The following FUT8 variants were observed in gnomAD, a reference collection of about 807,000 sequenced individuals.
FUT8 encodes the protein alpha-(1,6)-fucosyltransferase.
A neutral mutation model predicts 71.3 loss-of-function variants in FUT8; 29 were observed. The ratio of observed to expected loss-of-function variants is 0.41; its 90% CI spans 0.30 to 0.55. The LOEUF is 0.55. Ranked by LOEUF, FUT8 falls within the 20% of genes least tolerant of loss-of-function variation. The probability of loss-of-function intolerance (pLI) is 0.34; values close to 1 mark genes in which losing one functional copy is unlikely to be tolerated. For missense variants in FUT8, 544 were observed against 702.1 expected, an observed-to-expected ratio of 0.77 and a Z score of 2.55; for synonymous variants, 254 against 239.3, an observed-to-expected ratio of 1.06 and a Z score of -0.57.
chr14:65,693,904 G>T (rs1259152642), intron 7 of FUT8, among the ~76,000 whole-genome samples: 4 of 152,178 alleles, frequency 2.6e-5, no homozygotes, highest in Admixed American at 2.6e-4. Flanking sequence ...AATTCTCCTT[G>T]TGTGAATTTT....
the FUT8 span, among the ~76,000 whole-genome samples, chr14:65,381,938 C>G: frequency 9.2e-5 from 14 of 152,334 alleles, no homozygotes; most frequent in African/African-American, 3.1e-4. Context: ...AGTCTACACT[C>G]TCTCCCTCCA....
At chr14:65,737,092 G>T (rs1594952160) in intron 10 of FUT8, among the ~76,000 whole-genome samples, 1 of 152,024 alleles carries the variant, frequency 6.6e-6, no homozygotes, top group Non-Finnish European at 1.5e-5. Context: ...CCTTAATCGG[G>T]ATTTCTCATA....
At chr14:65,367,544 G>A in the FUT8 span, among the ~76,000 whole-genome samples, 3 of 152,166 alleles carry the variant, frequency 2.0e-5, no homozygotes, top group African/African-American at 7.2e-5. Context: ...AGTGATTTAA[G>A]GACTATTTAG....
chr14:65,668,122 A>G (rs1364294688), intron 6 of FUT8, among the ~76,000 whole-genome samples: 2 of 152,180 alleles, frequency 1.3e-5, no homozygotes, highest in African/African-American at 2.4e-5. Flanking sequence ...TAAAAACTCT[A>G]GAAGAAAACC....
intron 7 of FUT8, among the ~76,000 whole-genome samples, chr14:65,688,969 C>T (rs1893440198): frequency 6.6e-6 from 1 of 152,096 alleles, no homozygotes; most frequent in South Asian, 2.1e-4. Flanking sequence ...GGAACTCTAC[C>T]TTCATTATCT....
chr14:65,421,625 A>G (rs2065296077), intron 1 of FUT8, among the ~76,000 whole-genome samples: 2 of 151,990 alleles, frequency 1.3e-5, no homozygotes, highest in East Asian at 1.9e-4. Context: ...CATTCCTTCT[A>G]CATTACCTGG....
At chr14:65,579,433 A>C (rs1246237561) in intron 3 of FUT8, among the ~76,000 whole-genome samples, 1 of 152,158 alleles carries the variant, frequency 6.6e-6, no homozygotes, top group South Asian at 2.1e-4. Flanking sequence ...TGTTATATGG[A>C]TATATCTGTA....
At chr14:65,382,341 T>G in the FUT8 span, among the ~76,000 whole-genome samples, 2 of 152,094 alleles carry the variant, frequency 1.3e-5, no homozygotes, top group African/African-American at 4.8e-5. Flanking sequence ...ATCTACTGAT[T>G]TTTCTTTATT....
chr14:65,500,113 G>C (rs1456330394), intron 2 of FUT8, among the ~76,000 whole-genome samples: 2 of 152,114 alleles, frequency 1.3e-5, no homozygotes, highest in Non-Finnish European at 2.9e-5. Context: ...AGTAGTTTTG[G>C]AATAGGATGA....
intron 6 of FUT8, among the ~76,000 whole-genome samples, chr14:65,665,864 T>C (rs573270685): frequency 1.5e-4 from 23 of 152,226 alleles, no homozygotes; most frequent in Admixed American, 1.4e-3. Flanking sequence ...TTCTCACTTA[T>C]AAGTGGGAGC....
intron 2 of FUT8, among the ~76,000 whole-genome samples, chr14:65,506,207 T>G (rs2066731552): frequency 6.6e-6 from 1 of 152,238 alleles, no homozygotes; most frequent in Non-Finnish European, 1.5e-5. Flanking sequence ...TATGTTTACC[T>G]TGAATTTTAA....
At chr14:65,474,453 A>AAAAAAAAAAAAAAAAAAAAAAAAAG (rs1566770540) in intron 2 of FUT8, among the ~76,000 whole-genome samples, 6 of 147,056 alleles carry the variant, frequency 4.1e-5, no homozygotes, top group African/African-American at 1.3e-4. Context: ...AAAAAAAAAA[A>AAAAAAAAAAAAAAAAAAAAAAAAAG]AAAAGCCAGG....
At chr14:65,442,959 G>A (rs1336871969) in intron 1 of FUT8, among the ~76,000 whole-genome samples, 1 of 152,052 alleles carries the variant, frequency 6.6e-6, no homozygotes, top group Non-Finnish European at 1.5e-5. Context: ...TTAAAACTAT[G>A]GGCTTTAGTT....
At chr14:65,532,796 T>G (rs951959884) in intron 2 of FUT8, among the ~76,000 whole-genome samples, 1 of 152,186 alleles carries the variant, frequency 6.6e-6, no homozygotes, top group Admixed American at 6.5e-5. Context: ...TAATCCGTCT[T>G]GAGTTGATTT....
intron 2 of FUT8, among the ~76,000 whole-genome samples, chr14:65,551,469 G>A (rs969180480): frequency 6.6e-6 from 1 of 152,156 alleles, no homozygotes; most frequent in Non-Finnish European, 1.5e-5. Context: ...TTTGTACAGC[G>A]TGGTGCCTAT....
intron 9 of FUT8, among the ~76,000 whole-genome samples, chr14:65,730,415 T>A (rs1427354866): frequency 2.6e-5 from 4 of 152,234 alleles, no homozygotes; most frequent in Non-Finnish European, 5.9e-5. Flanking sequence ...GGCTCACGAT[T>A]GTAATCCCAG....
rs763766861 is a variant in FUT8, at chr14:65,733,174, C to T, written c.1260-57C>T. 1.7e-4 allele frequency: 189 copies of T among 1,116,008 alleles called. 1 individual carries two copies. The highest frequency in any genetic ancestry group is 2.2e-4 in the Non-Finnish European group (174 of 797,822). 69.1% of individuals were successfully genotyped at this position (1,116,008 alleles called of 1,614,324 possible). Reference sequence around the variant, plus strand: ...CTCTTAGTCAAAGGAGAAAGTCTGCCTTCTGATAGGATACTGTGATATCTA... The same window carrying T: ...CTCTTAGTCAAAGGAGAAAGTCTGCTTTCTGATAGGATACTGTGATATCTA... On this transcript the variant is annotated intron_variant, in intron 9 of 10. Transcript: ENST00000673929.
intron 6 of FUT8, among the ~76,000 whole-genome samples, chr14:65,664,169 C>T (rs1407026579): frequency 1.3e-5 from 2 of 152,086 alleles, no homozygotes; most frequent in Non-Finnish European, 2.9e-5. Context: ...TACTCTATTT[C>T]TCATGAAAAT....
chr14:65,671,522 T>G (rs1417939652), intron 7 of FUT8, among the ~76,000 whole-genome samples: 1 of 152,156 alleles, frequency 6.6e-6, no homozygotes, highest in African/African-American at 2.4e-5. Flanking sequence ...GGTTAGCACA[T>G]TCACTTGTAC....
Sources: gnomAD v4.1 joint callset for allele counts (sites outside exome capture counted in the v4.1 genomes callset) on GRCh38, gnomAD v4.1.1 for gene constraint, MANE v1.5 for transcripts, NCBI Gene and HGNC (gene_info 2026-07-23, HGNC 2026-07-21) for gene names.